The following PTGFRN variants were observed in gnomAD, a reference collection of about 807,000 sequenced individuals.
PTGFRN encodes the protein prostaglandin F2 receptor negative regulator.
PTGFRN carries 35 observed loss-of-function variants against 83.2 expected under a neutral mutation model. The ratio of observed to expected loss-of-function variants is 0.42; its 90% CI spans 0.32 to 0.56. The LOEUF is 0.56. Ranked by LOEUF, PTGFRN falls within the 20% of genes least tolerant of loss-of-function variation. The probability of loss-of-function intolerance (pLI) is 0.11; values close to 1 mark genes in which losing one functional copy is unlikely to be tolerated. For synonymous variants in PTGFRN, 519 were observed against 498.6 expected (o/e 1.04, Z -0.55); for missense variants, 1,051 against 1,179.5 (o/e 0.89, Z 1.60).
In PTGFRN at chr1:116,961,525, A is replaced by G. The variant is rs376636627; in HGVS notation, c.1496A>G (p.Asn499Ser). Residue 499 changes from asparagine to serine, a missense_variant, in exon 5 of 9, where the codon AAT (asparagine) becomes AGT (serine). Coordinates refer to ENST00000393203, the MANE Select transcript of PTGFRN (RefSeq NM_020440.4). This position sits in a 1 kb window ranked among gnomAD's most constrained non-coding sequence, Gnocchi z 5.4. ...IFSKEHTDTF[N>S]FRIQRTTEED... Reference sequence around the variant, plus strand: ...TCTAAGGAACATACAGACACGTTCAATTTCCGGATCCAAAGGACTACAGAG... The same window carrying G: ...TCTAAGGAACATACAGACACGTTCAGTTTCCGGATCCAAAGGACTACAGAG... 4 of 1,614,046 alleles carry G rather than the reference A, an allele frequency of 2.5e-6. No individual in the cohort carries two copies. In the African/African-American group the frequency reaches 5.3e-5, roughly 22 times the overall value.
intron 4 of PTGFRN, among the ~76,000 whole-genome samples, chr1:116,955,774 G>A (rs1234616012): frequency 6.6e-6 from 1 of 152,216 alleles, no homozygotes; most frequent in Non-Finnish European, 1.5e-5. Context: ...AGCACGTACA[G>A]AGAATCAAGG....
At chr1:116,969,987 C>A (rs941705532) in intron 6 of PTGFRN, among the ~76,000 whole-genome samples, 10 of 152,030 alleles carry the variant, frequency 6.6e-5, no homozygotes, top group African/African-American at 2.4e-4. Flanking sequence ...CTAATTAATT[C>A]TAAATTTGGG....
chr1:116,973,250 C>G (rs889449075), intron 6 of PTGFRN, among the ~76,000 whole-genome samples: 7 of 152,092 alleles, frequency 4.6e-5, no homozygotes, highest in Non-Finnish European at 8.8e-5. Context: ...TTTTAGGTTC[C>G]CAGCTTTTCA....
intron 1 of PTGFRN, among the ~76,000 whole-genome samples, chr1:116,925,310 C>T (rs547587927): frequency 2.6e-4 from 39 of 152,012 alleles, no homozygotes; most frequent in Admixed American, 3.9e-4. Flanking sequence ...TACATTTACT[C>T]CTAGCTACTC....
chr1:116,935,778 ATG>A (rs1649905178), intron 1 of PTGFRN, among the ~76,000 whole-genome samples: 2 of 152,138 alleles, frequency 1.3e-5, no homozygotes, highest in Admixed American at 6.5e-5. Flanking sequence ...TTTTGAAAGA[ATG>A]TACAATGGTC....
At chr1:116,911,194 T>C (rs973886329) in intron 1 of PTGFRN, among the ~76,000 whole-genome samples, 1 of 152,216 alleles carries the variant, frequency 6.6e-6, no homozygotes, top group Non-Finnish European at 1.5e-5. Flanking sequence ...TGTTTTGATA[T>C]TCTTGGATCC....
intron 1 of PTGFRN, among the ~76,000 whole-genome samples, chr1:116,938,208 C>T (rs1173290655): frequency 1.3e-5 from 2 of 152,162 alleles, no homozygotes; most frequent in Non-Finnish European, 2.9e-5. Context: ...ATTACCTTTA[C>T]CTTAAGAAAC....
intron 1 of PTGFRN, among the ~76,000 whole-genome samples, chr1:116,933,611 T>A (rs1280806654): frequency 2.0e-5 from 3 of 152,200 alleles, no homozygotes; most frequent in African/African-American, 7.2e-5. Flanking sequence ...CTTTAGTACT[T>A]ATTTTTGGTG....
chr1:116,945,397 G>A (rs1329167106), intron 3 of PTGFRN, among the ~76,000 whole-genome samples: 2 of 152,186 alleles, frequency 1.3e-5, no homozygotes, highest in Non-Finnish European at 2.9e-5. Flanking sequence ...GAGTTGAGGT[G>A]CTGTGGTCCC....
At chr1:116,964,683 G>T (rs2101078642) in intron 5 of PTGFRN, among the ~76,000 whole-genome samples, 1 of 152,186 alleles carries the variant, frequency 6.6e-6, no homozygotes, top group Middle Eastern at 3.4e-3. Flanking sequence ...TTGCCTCCTT[G>T]ACACTACTTG....
At chr1:116,975,491 C>T (rs1651119827) in intron 7 of PTGFRN, among the ~76,000 whole-genome samples, 1 of 152,198 alleles carries the variant, frequency 6.6e-6, no homozygotes, top group Non-Finnish European at 1.5e-5. Flanking sequence ...GGCAGACTGA[C>T]ACCTCACATG....
In PTGFRN at chr1:116,951,195, C is replaced by G. The variant is rs1417941778; in HGVS notation, c.1213+1623C>G. ...GTACGTGTGCATTGATCCCGGCATA[C>G]CCGGGGGGAGATGCAGGGACTGTCA... is the stretch of plus-strand genomic sequence containing the variant. On this transcript the variant is annotated intron_variant, in intron 4 of 8. Transcript: ENST00000393203. 2.6e-5 allele frequency among the ~76,000 whole-genome samples: 4 copies of G among 152,196 alleles called. No individual in the cohort carries two copies. In the South Asian group the frequency reaches 8.3e-4, roughly 32 times the overall value.
intron 1 of PTGFRN, among the ~76,000 whole-genome samples, chr1:116,935,397 G>A (rs917080667): frequency 2.6e-5 from 4 of 152,114 alleles, no homozygotes; most frequent in African/African-American, 7.2e-5. Context: ...CTGTGATCTT[G>A]GACCCTTGAG....
rs1399524761 is a variant in PTGFRN, at chr1:116,961,738, C to T, written c.1639+70C>T. 1.4e-6 allele frequency: 2 copies of T among 1,395,008 alleles called. No homozygotes were observed. The highest frequency in any genetic ancestry group is 2.9e-5 in the African/African-American group (2 of 69,158). 86.4% of individuals were successfully genotyped at this position (1,395,008 alleles called of 1,614,324 possible). A position where few individuals can be genotyped will look rare whatever the true frequency, so the allele number is the denominator to read the frequency against. ...TAAGTCGTGCCGCTGTGTGTTGATG[C>T]ACAGTCACCCTCTGCAGGTTATCAC... On this transcript the variant is annotated intron_variant, in intron 5 of 8. Transcript: ENST00000393203. The surrounding 1 kb of genome is among the most constrained non-coding windows in gnomAD (Gnocchi z 5.4).
At position 116,923,330 on chromosome 1, in the gene PTGFRN, G is replaced by A. The variant is rs1469276790; in HGVS notation, c.49+13078G>A. Reference sequence around the variant, plus strand: ...CCTTTTTACTATCTTTCTTATGTGTGCTTATTTATCTTCTTTTGTTTGGAA... The same window carrying A: ...CCTTTTTACTATCTTTCTTATGTGTACTTATTTATCTTCTTTTGTTTGGAA... On this transcript the variant is annotated intron_variant, in intron 1 of 8. Coordinates refer to ENST00000393203, the MANE Select transcript of PTGFRN (RefSeq NM_020440.4). This position sits in a 1 kb window ranked among gnomAD's most constrained non-coding sequence, Gnocchi z 4.0. Among the ~76,000 whole-genome samples the A allele has an allele frequency of 6.6e-6, 1 of 152,126 alleles. No individual in the cohort carries two copies. The highest frequency in any genetic ancestry group is 1.5e-5 in the Non-Finnish European group (1 of 68,016).
At chr1:116,951,114 CTT>C (rs78620244) in intron 4 of PTGFRN, among the ~76,000 whole-genome samples, 1 of 146,618 alleles carries the variant, frequency 6.8e-6, no homozygotes, top group Non-Finnish European at 1.5e-5. Context: ...AACTCGAGGA[CTT>C]TTTTTTTTTT....
rs376566648 is a variant in PTGFRN, at chr1:116,975,928, C to A, written c.2167+1605C>A. On this transcript the variant is annotated intron_variant, in intron 7 of 8. Transcript: ENST00000393203. ...CTTCAGATGATCAAACTTCTCTGAG[C>A]TAAAGGAGGAAGTTCGAATCCATCG... 3.3e-5 allele frequency among the ~76,000 whole-genome samples: 5 copies of A among 152,184 alleles called. No homozygotes were observed. In the East Asian group the frequency reaches 7.7e-4, roughly 24 times the overall value.
intron 8 of PTGFRN, among the ~76,000 whole-genome samples, chr1:116,985,799 G>A (rs557765852): frequency 1.2e-4 from 19 of 152,058 alleles, no homozygotes; most frequent in Middle Eastern, 3.4e-3. Flanking sequence ...TCCCAGCCTC[G>A]TTGGCCCACG....
At position 116,930,663 on chromosome 1, in the gene PTGFRN, C is replaced by T. The variant is rs114449167; in HGVS notation, c.50-11052C>T. Among the ~76,000 whole-genome samples the T allele has an allele frequency of 5.3e-3, 808 of 152,294 alleles. 6 individuals are homozygous for T. Among genetic ancestry groups the T allele is most frequent in the African/African-American group, 0.019 (772 of 41,562 alleles). ...CTGTTGTGGCTCTCAGAGCTGCTGCCTTTTGATTCCTGTCATTGCCCTTGT... is the reference window on the plus strand; with the variant it reads ...CTGTTGTGGCTCTCAGAGCTGCTGCTTTTTGATTCCTGTCATTGCCCTTGT... On this transcript the variant is annotated intron_variant, in intron 1 of 8. Coordinates refer to ENST00000393203, the MANE Select transcript of PTGFRN (RefSeq NM_020440.4).
Sources: allele counts gnomAD v4.1 joint callset (sites outside exome capture counted in the v4.1 genomes callset), GRCh38; gene constraint gnomAD v4.1.1; non-coding constraint Gnocchi (gnomAD v3.1); transcripts MANE v1.5; gene names NCBI Gene and HGNC (gene_info 2026-07-23, HGNC 2026-07-21).